The following GTF2F2 variants were observed in gnomAD, a reference collection of about 807,000 sequenced individuals.
GTF2F2 encodes the protein ATP-dependent helicase GTF2F2.
A neutral mutation model predicts 42.2 loss-of-function variants in GTF2F2; 23 were observed. The ratio of observed to expected loss-of-function variants is 0.55; its 90% CI spans 0.39 to 0.77. GTF2F2 has a LOEUF of 0.77. Among genes scored for constraint, GTF2F2 ranks in the 30% least tolerant of loss-of-function variants. The pLI, the probability that GTF2F2 is intolerant of heterozygous loss-of-function variation, is 0.00. For missense variants in GTF2F2, 261 were observed against 287.2 expected (o/e 0.91, Z 0.66); for synonymous variants, 105 against 100.8 (o/e 1.04, Z -0.25).
intron 4 of GTF2F2, among the ~76,000 whole-genome samples, chr13:45,195,861 G>T (rs1198147910): frequency 6.6e-6 from 1 of 152,108 alleles, no homozygotes; most frequent in African/African-American, 2.4e-5. Flanking sequence ...TTGCCATGTT[G>T]CCCAGACGGG....
intron 5 of GTF2F2, among the ~76,000 whole-genome samples, chr13:45,240,100 G>GTTTTTTTTTTT (rs1180823984): frequency 9.7e-6 from 1 of 102,934 alleles, no homozygotes; most frequent in African/African-American, 5.7e-5. Context: ...TATGTAGAGG[G>GTTTTTTTTTTT]ATTTTTTTTT....
At position 45,193,827 on chromosome 13, in the gene GTF2F2, C is replaced by T. The variant is rs754195705; in HGVS notation, c.305-13597C>T. 3 of 1,608,730 alleles carry T rather than the reference C, an allele frequency of 1.9e-6. No individual in the cohort carries two copies. In the East Asian group the frequency reaches 6.7e-5, roughly 36 times the overall value. ...GAAGTGCATCGCTGTGAACAATTGA[C>T]CCTTTGGAACAATCCAGGCTGGTCA... On this transcript the variant is annotated intron_variant, in intron 4 of 7. Transcript: ENST00000340473.
At chr13:45,165,882 C>T (rs140481761) in intron 4 of GTF2F2, among the ~76,000 whole-genome samples, 1,561 of 135,662 alleles carry the variant, frequency 0.012, 35 homozygotes, top group African/African-American at 0.042. Context: ...GGTGTGATCT[C>T]GGCCTACTGC....
At chr13:45,219,615 GAGAGGT>G (rs2138203093) in intron 5 of GTF2F2, 1 of 152,252 alleles carries the variant, frequency 6.6e-6, no homozygotes, top group Non-Finnish European at 1.5e-5. Flanking sequence ...ATTTCTGCAG[GAGAGGT>G]AGGACATTAA....
intron 7 of GTF2F2, among the ~76,000 whole-genome samples, chr13:45,273,004 G>A (rs2138270803): frequency 7.3e-6 from 1 of 137,074 alleles, no homozygotes; most frequent in South Asian, 2.3e-4. Context: ...TCGGCTCACT[G>A]CAACCTCCGC....
intron 2 of GTF2F2, among the ~76,000 whole-genome samples, chr13:45,145,512 C>T (rs1285520463): frequency 6.6e-6 from 1 of 152,196 alleles, no homozygotes; most frequent in East Asian, 1.9e-4. Flanking sequence ...TATGTACACA[C>T]ACACATACCT....
intron 4 of GTF2F2, among the ~76,000 whole-genome samples, chr13:45,168,375 G>A (rs995364398): frequency 6.6e-6 from 1 of 152,226 alleles, no homozygotes; most frequent in African/African-American, 2.4e-5. Context: ...GAAATGCCAG[G>A]ATTTTAACAC....
intron 5 of GTF2F2, among the ~76,000 whole-genome samples, chr13:45,234,010 A>T (rs1005234150): frequency 6.6e-6 from 1 of 152,228 alleles, no homozygotes. Flanking sequence ...ATCGTCTCCC[A>T]CTATAAAGAT....
chr13:45,249,423 T>G (rs1418496362), intron 5 of GTF2F2, among the ~76,000 whole-genome samples: 1 of 152,126 alleles, frequency 6.6e-6, no homozygotes, highest in Non-Finnish European at 1.5e-5. Flanking sequence ...GGTTAAATGC[T>G]TTGAGGATAA....
chr13:45,184,481 T>C (rs914374830), intron 4 of GTF2F2, among the ~76,000 whole-genome samples: 3 of 151,260 alleles, frequency 2.0e-5, no homozygotes, highest in African/African-American at 7.3e-5. Flanking sequence ...CTCGAACTCT[T>C]GGGCTCAAGC....
chr13:45,149,664 T>A (rs1870383905), intron 2 of GTF2F2, 106 bp from the exon 3 acceptor site: 1 of 1,119,086 alleles, frequency 8.9e-7, no homozygotes, highest in Non-Finnish European at 1.2e-6. Context: ...TCTCTGTAAA[T>A]GTAATATTTT....
chr13:45,207,340 TC>T, intron 4 of GTF2F2, 83 bp from the exon 5 acceptor site: 1 of 749,808 alleles, frequency 1.3e-6, no homozygotes, highest in South Asian at 1.7e-5. Context: ...TATTTGATTG[TC>T]ATATTACTGT....
intron 3 of GTF2F2, among the ~76,000 whole-genome samples, chr13:45,150,948 TTTTG>T (rs1412842036): frequency 1.3e-5 from 2 of 151,992 alleles, no homozygotes; most frequent in Non-Finnish European, 2.9e-5. Flanking sequence ...CCATTATTCT[TTTTG>T]TTTTTGTTTT....
intron 4 of GTF2F2, among the ~76,000 whole-genome samples, chr13:45,171,890 T>C (rs1330939219): frequency 6.6e-6 from 1 of 151,432 alleles, no homozygotes; most frequent in Non-Finnish European, 1.5e-5. Context: ...TTACTTAGCA[T>C]GATGTTTCCA....
rs909672117 is a variant in GTF2F2 at position 45,240,701 on chromosome 13, G to A, written c.387-12170G>A. ...AAATTAGTCAGGCATGGTGGTGGGC[G>A]CCTGTAATCCCAGCTACTCAGGAGG... On this transcript the variant is annotated intron_variant, in intron 5 of 7. Coordinates refer to ENST00000340473, the MANE Select transcript of GTF2F2 (RefSeq NM_004128.3). Among the ~76,000 whole-genome samples, 5 of 151,870 alleles carry A rather than the reference G, an allele frequency of 3.3e-5. No individual in the cohort carries two copies. The South Asian group carries it at 6.2e-4, about 19-fold the overall frequency.
chr13:45,201,799 C>T (rs895364239), intron 4 of GTF2F2, among the ~76,000 whole-genome samples: 1 of 152,152 alleles, frequency 6.6e-6, no homozygotes, highest in Non-Finnish European at 1.5e-5. Context: ...CATACTATTT[C>T]CCAGAATCCA....
At chr13:45,135,425 A>C (rs1412093788) in intron 1 of GTF2F2, among the ~76,000 whole-genome samples, 1 of 150,926 alleles carries the variant, frequency 6.6e-6, no homozygotes, top group South Asian at 2.1e-4. Context: ...ATGCCCGGCT[A>C]ATTTTTGTAT....
At chr13:45,130,816 G>A (rs143431914) in intron 1 of GTF2F2, among the ~76,000 whole-genome samples, 31 of 152,310 alleles carry the variant, frequency 2.0e-4, no homozygotes, top group African/African-American at 7.2e-4. Context: ...AATGCTTACT[G>A]AATATTAAGA....
intron 4 of GTF2F2, chr13:45,194,513 TG>T: frequency 6.2e-7 from 1 of 1,614,142 alleles, no homozygotes; most frequent in Non-Finnish European, 8.5e-7. Context: ...TCCAGGCTGT[TG>T]TGTTTCCCTT....
Sources: allele counts gnomAD v4.1 joint callset (sites outside exome capture counted in the v4.1 genomes callset), GRCh38; gene constraint gnomAD v4.1.1; transcripts MANE v1.5; gene names NCBI Gene and HGNC (gene_info 2026-07-23, HGNC 2026-07-21).